RBFOX1: variants seen among roughly 807,000 people sequenced by gnomAD.
The protein encoded by RBFOX1 is RNA binding fox-1 homolog 1, also known as RNA binding protein fox-1 homolog 1.
Under a neutral mutation model 57.7 loss-of-function variants are expected in RBFOX1, and 8 were observed. That is an observed-to-expected ratio of 0.14 (90% CI 0.08 to 0.25). The LOEUF (loss-of-function observed/expected upper bound fraction) is 0.25. RBFOX1 is among the 10% of genes least tolerant of loss of function. The probability of loss-of-function intolerance (pLI) is 1.00; values close to 1 mark genes in which losing one functional copy is unlikely to be tolerated. For synonymous variants in RBFOX1, 326 were observed against 222.4 expected (o/e 1.47, Z -4.15); for missense variants, 611 against 548.5 (o/e 1.11, Z -1.14).
At chr16:7,524,086 C>G (rs1386447085) in intron 5 of RBFOX1, among the ~76,000 whole-genome samples, 1 of 152,216 alleles carries the variant, frequency 6.6e-6, no homozygotes, top group Non-Finnish European at 1.5e-5. Flanking sequence ...TCTAACTCTT[C>G]TTTGACATAT....
intron 10 of RBFOX1, among the ~76,000 whole-genome samples, chr16:7,615,555 T>C (rs3785238): frequency 2.0e-5 from 3 of 151,870 alleles, no homozygotes; most frequent in African/African-American, 7.3e-5. Context: ...CCAAAGCTGT[T>C]ATCTTTGTGA....
intron 3 of RBFOX1, among the ~76,000 whole-genome samples, chr16:6,764,401 ATTCTTAGTTCTG>A: frequency 6.6e-6 from 1 of 152,286 alleles, no homozygotes; most frequent in Non-Finnish European, 1.5e-5. Context: ...CTGGTAGCCC[ATTCTTAGTTCTG>A]TTACCAGCAG....
intron 4 of RBFOX1, among the ~76,000 whole-genome samples, chr16:5,966,767 C>T (rs13329730): frequency 0.11 from 16,857 of 151,968 alleles, 1,219 homozygotes; most frequent in African/African-American, 0.18. Flanking sequence ...ATCACTCCAC[C>T]AGCCCCCACC....
chr16:6,028,509 T>TAAAAAAA (rs36218292), intron 1 of RBFOX1, among the ~76,000 whole-genome samples: 63 of 104,510 alleles, frequency 6.0e-4, no homozygotes, highest in African/African-American at 2.1e-3. Context: ...CTGTCTCTGT[T>TAAAAAAA]AAAAAAAAAA....
intron 3 of RBFOX1, among the ~76,000 whole-genome samples, chr16:7,001,010 A>G (rs1176416285): frequency 6.6e-6 from 1 of 151,456 alleles, no homozygotes; most frequent in Non-Finnish European, 1.5e-5. Flanking sequence ...CATTACCATC[A>G]CTCCTTTTTC....
intron 4 of RBFOX1, among the ~76,000 whole-genome samples, chr16:7,414,762 C>T (rs1233806147): frequency 3.3e-5 from 5 of 152,126 alleles, no homozygotes; most frequent in African/African-American, 4.8e-5. Flanking sequence ...GGATTACAGG[C>T]GTGTGCCACC....
At chr16:6,212,800 C>G (rs566673481) in intron 1 of RBFOX1, among the ~76,000 whole-genome samples, 3 of 152,042 alleles carry the variant, frequency 2.0e-5, no homozygotes, top group Non-Finnish European at 4.4e-5. Flanking sequence ...ATAGATAAGA[C>G]ATACTCTTTA....
intron 4 of RBFOX1, among the ~76,000 whole-genome samples, chr16:7,258,144 T>C (rs1395424858): frequency 1.3e-5 from 2 of 152,178 alleles, no homozygotes; most frequent in Non-Finnish European, 2.9e-5. Flanking sequence ...CCAGCGATAA[T>C]TTCTTGACTA....
intron 3 of RBFOX1, among the ~76,000 whole-genome samples, chr16:6,989,552 A>T (rs572400430): frequency 2.0e-5 from 3 of 152,168 alleles, no homozygotes; most frequent in African/African-American, 7.2e-5. Flanking sequence ...AGTACCAGGG[A>T]TGGATATAAA....
At chr16:6,812,440 C>A (rs981778234) in intron 3 of RBFOX1, among the ~76,000 whole-genome samples, 1 of 152,104 alleles carries the variant, frequency 6.6e-6, no homozygotes, top group Non-Finnish European at 1.5e-5. Context: ...GTGGCCCGAT[C>A]TCGGCTCATT....
At chr16:6,971,853 A>G (rs1330115026) in intron 3 of RBFOX1, among the ~76,000 whole-genome samples, 1 of 152,070 alleles carries the variant, frequency 6.6e-6, no homozygotes. Flanking sequence ...CTGATGGAAG[A>G]GTCTAATTCC....
chr16:6,784,466 GTTA>G (rs1171148638), intron 3 of RBFOX1, among the ~76,000 whole-genome samples: 1 of 151,836 alleles, frequency 6.6e-6, no homozygotes, highest in Non-Finnish European at 1.5e-5. Context: ...TGATTTTTTT[GTTA>G]TTATAATCTC....
In RBFOX1 at chr16:5,291,477, A is replaced by G. The variant is rs190449880; in HGVS notation, c.219+51372A>G. Among the ~76,000 whole-genome samples the G allele has an allele frequency of 3.3e-5, 5 of 152,154 alleles. No homozygotes were observed. The East Asian group carries it at 9.7e-4, about 30-fold the overall frequency. On this transcript the variant is annotated intron_variant, in intron 1 of 2. Coordinates refer to the RBFOX1 transcript ENST00000585867. The stretch of plus-strand genomic sequence containing the variant: ...ACGGGGTTTCACCCTGTTAGCGAGA[A>G]TGGTCTGGATCTCCCTAATGTCATG...
In RBFOX1 at chr16:5,712,385, T is replaced by G. The variant is rs2191092; in HGVS notation, c.318+113424T>G. On this transcript the variant is annotated intron_variant, in intron 3 of 19. Transcript: ENST00000641259. ...ACAAGTGCTCTAAGGCTTAGGGAAT[T>G]TCAGCAGCTGGTTGGCATTACAGGC... 6.5e-3 allele frequency among the ~76,000 whole-genome samples: 984 copies of G among 152,336 alleles called. 8 individuals carry two copies. Among genetic ancestry groups the G allele is most frequent in the African/African-American group, 0.022 (897 of 41,566 alleles).
chr16:6,312,035 G>A (rs1021538390), intron 1 of RBFOX1, among the ~76,000 whole-genome samples: 2 of 152,202 alleles, frequency 1.3e-5, no homozygotes, highest in Admixed American at 1.3e-4. Context: ...CATAATCCCT[G>A]ATGTGATCAA....
At chr16:6,580,415 A>G (rs932253593) in intron 2 of RBFOX1, among the ~76,000 whole-genome samples, 1 of 152,246 alleles carries the variant, frequency 6.6e-6, no homozygotes, top group Non-Finnish European at 1.5e-5. Context: ...TTATGTGGTC[A>G]TTGAAGAGCT....
intron 4 of RBFOX1, among the ~76,000 whole-genome samples, chr16:7,304,026 C>T (rs1045751051): frequency 1.3e-5 from 2 of 151,864 alleles, no homozygotes; most frequent in Non-Finnish European, 2.9e-5. Flanking sequence ...GCCCAACAAC[C>T]CAGAAAAGCC....
chr16:6,811,487 C>T (rs572374350), intron 3 of RBFOX1, among the ~76,000 whole-genome samples: 1 of 152,028 alleles, frequency 6.6e-6, no homozygotes, highest in Non-Finnish European at 1.5e-5. Context: ...ATTTAGGAGT[C>T]AGGGATGTTT....
At chr16:5,959,540 A>G (rs952394461) in intron 4 of RBFOX1, among the ~76,000 whole-genome samples, 1 of 152,242 alleles carries the variant, frequency 6.6e-6, no homozygotes, top group Admixed American at 6.5e-5. Context: ...AATTTGTATA[A>G]AAGTCCAAAA....
Sources: allele counts gnomAD v4.1 joint callset (sites outside exome capture counted in the v4.1 genomes callset), GRCh38; gene constraint gnomAD v4.1.1; transcripts MANE v1.5; gene names NCBI Gene and HGNC (gene_info 2026-07-23, HGNC 2026-07-21).